PEX7: variants seen among roughly 807,000 people sequenced by gnomAD.
PEX7 encodes peroxisomal biogenesis factor 7, also known as PTS2 receptor.
Under a neutral mutation model 47.5 loss-of-function variants are expected in PEX7, and 34 were observed. The observed-to-expected ratio is 0.72, with a 90% CI of 0.54 to 0.95. The LOEUF (loss-of-function observed/expected upper bound fraction) is 0.95. Ranked by LOEUF, PEX7 falls within the 40% of genes least tolerant of loss-of-function variation. PEX7 has a pLI of 0.00. For synonymous variants in PEX7, 141 were observed against 148.8 expected (o/e 0.95, Z 0.38); for missense variants, 394 against 400.3 (o/e 0.98, Z 0.13).
chr6:136,882,425 A>G, intron 8 of PEX7, among the ~76,000 whole-genome samples: 1 of 151,832 alleles, frequency 6.6e-6, no homozygotes, highest in East Asian at 1.9e-4. Context: ...TGATCTGCCC[A>G]CCACAGCCTC....
intron 7 of PEX7, chr6:136,870,693 A>G (rs1156353589): frequency 2.6e-6 from 1 of 384,208 alleles, no homozygotes; most frequent in African/African-American, 2.2e-5. Context: ...TATTCCTACT[A>G]TTTAAAAAAT....
At chr6:136,870,298 T>G (rs1010491989) in intron 7 of PEX7, among the ~76,000 whole-genome samples, 2 of 152,224 alleles carry the variant, frequency 1.3e-5, no homozygotes, top group African/African-American at 4.8e-5. Flanking sequence ...TTAACTATAG[T>G]AATTCACTTT....
At chr6:136,829,832 G>C (rs1036003691) in intron 3 of PEX7, among the ~76,000 whole-genome samples, 1 of 152,170 alleles carries the variant, frequency 6.6e-6, no homozygotes, top group Non-Finnish European at 1.5e-5. Flanking sequence ...CAGCTATTTG[G>C]TGGCTGAGGC....
intron 9 of PEX7, among the ~76,000 whole-genome samples, chr6:136,908,484 A>G (rs1488235124): frequency 6.6e-6 from 1 of 152,138 alleles, no homozygotes. Flanking sequence ...CTTTGATGAA[A>G]AGATTAGCAT....
chr6:136,891,208 C>G (rs1775546589), intron 8 of PEX7, among the ~76,000 whole-genome samples: 1 of 152,110 alleles, frequency 6.6e-6, no homozygotes, highest in Non-Finnish European at 1.5e-5. Context: ...TGTCAGAGTA[C>G]TCTAGGCTTT....
At chr6:136,876,813 C>G (rs1775282515) in intron 8 of PEX7, among the ~76,000 whole-genome samples, 1 of 152,098 alleles carries the variant, frequency 6.6e-6, no homozygotes, top group Non-Finnish European at 1.5e-5. Flanking sequence ...GTGCATGTGT[C>G]TTTATTGTAG....
chr6:136,898,379 G>A (rs947720649), intron 9 of PEX7, 138 bp downstream of exon 9: 12 of 685,662 alleles, frequency 1.8e-5, no homozygotes, highest in South Asian at 4.6e-5. Context: ...AACTACTAGG[G>A]AATAAGAGGT....
chr6:136,853,815 A>G (rs1049589580), intron 5 of PEX7, among the ~76,000 whole-genome samples: 6 of 152,152 alleles, frequency 3.9e-5, no homozygotes, highest in African/African-American at 1.4e-4. Context: ...TTTAAGAAAA[A>G]ATATTTTTGT....
intron 9 of PEX7, among the ~76,000 whole-genome samples, chr6:136,901,696 C>T (rs546384871): frequency 2.6e-5 from 4 of 152,298 alleles, no homozygotes; most frequent in Non-Finnish European, 4.4e-5. Context: ...TAGACTGTAC[C>T]GTTTGATGGG....
At chr6:136,852,517 C>T (rs1774777843) in intron 5 of PEX7, among the ~76,000 whole-genome samples, 1 of 35,576 alleles carries the variant, frequency 2.8e-5, no homozygotes. Flanking sequence ...ACACCAACAA[C>T]AGACAAACAG....
At chr6:136,863,676 G>A (rs1775006132) in intron 5 of PEX7, among the ~76,000 whole-genome samples, 1 of 152,118 alleles carries the variant, frequency 6.6e-6, no homozygotes, top group African/African-American at 2.4e-5. Context: ...GGGAGGCTGA[G>A]GCAGGTGGAT....
At chr6:136,865,761 G>A (rs1775057270) in intron 5 of PEX7, among the ~76,000 whole-genome samples, 1 of 151,484 alleles carries the variant, frequency 6.6e-6, no homozygotes, top group African/African-American at 2.4e-5. Context: ...CTGGGCAATA[G>A]AGCAAGACTC....
chr6:136,841,568 T>C (rs563062120), intron 3 of PEX7, among the ~76,000 whole-genome samples: 10 of 152,266 alleles, frequency 6.6e-5, no homozygotes, highest in Middle Eastern at 3.4e-3. Context: ...TTTGTACTTA[T>C]GTTTATAGTT....
chr6:136,892,989 A>G (rs879550145), intron 8 of PEX7, among the ~76,000 whole-genome samples: 4 of 152,154 alleles, frequency 2.6e-5, no homozygotes, highest in Non-Finnish European at 5.9e-5. Context: ...GGCCAGAGAC[A>G]CCTTTGAAGG....
chr6:136,858,146 G>A (rs1160277531), intron 5 of PEX7, among the ~76,000 whole-genome samples: 1 of 152,200 alleles, frequency 6.6e-6, no homozygotes, highest in Non-Finnish European at 1.5e-5. Flanking sequence ...ATTAACACGT[G>A]TGCCCAGAAT....
chr6:136,889,022 A>C (rs1004981368), intron 8 of PEX7, among the ~76,000 whole-genome samples: 1 of 152,134 alleles, frequency 6.6e-6, no homozygotes, highest in Non-Finnish European at 1.5e-5. Context: ...TTTTCTACAA[A>C]TCAAGTGTAA....
chr6:136,896,106 ATCTTATC>A (rs1402678141), intron 8 of PEX7, among the ~76,000 whole-genome samples: 2 of 152,194 alleles, frequency 1.3e-5, no homozygotes, highest in Non-Finnish European at 2.9e-5. Context: ...GGCCCACCTT[ATCTTATC>A]TCAGTGCAGC....
chr6:136,897,599 A>C (rs1454632640), intron 8 of PEX7, among the ~76,000 whole-genome samples: 1 of 152,232 alleles, frequency 6.6e-6, no homozygotes, highest in African/African-American at 2.4e-5. Flanking sequence ...AAAAGAAGAA[A>C]GATAGTTTCA....
chr6:136,854,154 A>G (rs1774813892), intron 5 of PEX7, among the ~76,000 whole-genome samples: 1 of 152,050 alleles, frequency 6.6e-6, no homozygotes, highest in Admixed American at 6.6e-5. Flanking sequence ...GAATCAATTA[A>G]CCCTTTCATT....
Sources: allele counts gnomAD v4.1 joint callset (sites outside exome capture counted in the v4.1 genomes callset), GRCh38; gene constraint gnomAD v4.1.1; transcripts MANE v1.5; gene names NCBI Gene and HGNC (gene_info 2026-07-23, HGNC 2026-07-21).